The following KAT6A variants were observed in gnomAD, a reference collection of about 807,000 sequenced individuals.
KAT6A encodes lysine acetyltransferase 6A, also known as histone acetyltransferase KAT6A.
A neutral mutation model predicts 198.4 loss-of-function variants in KAT6A; 9 were observed. The observed-to-expected ratio is 0.05, with a 90% CI of 0.03 to 0.08. The LOEUF (loss-of-function observed/expected upper bound fraction) is 0.08, where lower values mean the gene tolerates loss of function less well. Among genes scored for constraint, KAT6A ranks in the 10% least tolerant of loss-of-function variants. The pLI is 1.00. For missense variants in KAT6A, 2,077 were observed against 2,509.9 expected (o/e 0.83, Z 3.69); for synonymous variants, 890 against 883.0 (o/e 1.01, Z -0.14).
intron 2 of KAT6A, among the ~76,000 whole-genome samples, chr8:42,038,201 C>T (rs1323737765): frequency 6.6e-6 from 1 of 152,146 alleles, no homozygotes; most frequent in Non-Finnish European, 1.5e-5. Flanking sequence ...TTTAAATGGA[C>T]TTTTTTTCCC....
At chr8:42,039,344 T>C (rs1232515711) in intron 2 of KAT6A, among the ~76,000 whole-genome samples, 1 of 152,120 alleles carries the variant, frequency 6.6e-6, no homozygotes, top group Non-Finnish European at 1.5e-5. Context: ...CAGAAAAAAA[T>C]AAATTTTTAA....
intron 9 of KAT6A, among the ~76,000 whole-genome samples, chr8:41,955,030 AAAAT>A: frequency 6.6e-6 from 1 of 152,212 alleles, no homozygotes; most frequent in Middle Eastern, 3.4e-3. Flanking sequence ...TCTTAAAAAA[AAAAT>A]AAAAAAGCAT....
chr8:42,023,398 T>C (rs558246247), intron 2 of KAT6A, among the ~76,000 whole-genome samples: 1 of 152,336 alleles, frequency 6.6e-6, no homozygotes, highest in Non-Finnish European at 1.5e-5. Flanking sequence ...ACTTTTTACA[T>C]TATAAACTTT....
chr8:41,965,829 C>G lies in KAT6A; in HGVS notation c.1482+8875G>C, dbSNP rs76259148. Among the ~76,000 whole-genome samples, 1,355 of 152,252 alleles carry G rather than the reference C, an allele frequency of 8.9e-3. 16 individuals are homozygous for G. The highest frequency in any genetic ancestry group is 0.031 in the African/African-American group (1,281 of 41,532). On this transcript the variant is annotated intron_variant, in intron 8 of 16. Transcript: ENST00000265713. ...ACGGGATTTTAAGGTACCCCCATGA[C>G]ATCTTTTTGCTGTTAAGTGATGTCT...
chr8:41,982,176 T>C (rs1367073450), intron 3 of KAT6A, among the ~76,000 whole-genome samples: 1 of 151,994 alleles, frequency 6.6e-6, no homozygotes, highest in African/African-American at 2.4e-5. Context: ...TCCCCACAAT[T>C]TGATTATTAA....
In KAT6A at chr8:41,941,242, C is replaced by A; in HGVS notation, c.2639G>T (p.Gly880Val). The A allele has an allele frequency of 6.2e-7, 1 of 1,614,182 alleles. No homozygotes were observed. The highest frequency in any genetic ancestry group is 2.2e-5 in the East Asian group (1 of 44,886). ...CAAGAGCAGTTTAGAATCTTTATCA[C>A]CAAAACGTTCCTGGGTTTTTCTGTT... ...RKNRKTQERF[G>V]DKDSKLLLEE... The change falls in exon 15 of 17, where the codon GGT (glycine) becomes GTT (valine). Residue 880 changes from glycine (G) to valine (V), a missense_variant. Gly to Val is a moderately radical substitution (Grantham distance 109). Transcript: ENST00000265713.
chr8:41,954,678 T>C (rs1419431029), intron 9 of KAT6A, among the ~76,000 whole-genome samples: 2 of 152,222 alleles, frequency 1.3e-5, no homozygotes, highest in Non-Finnish European at 2.9e-5. Flanking sequence ...GTACTATTAC[T>C]ATCTCTGCTT....
chr8:42,003,062 A>ATT (rs1040447752), intron 2 of KAT6A, among the ~76,000 whole-genome samples: 1 of 152,022 alleles, frequency 6.6e-6, no homozygotes, highest in African/African-American at 2.4e-5. Context: ...TGCACACTTC[A>ATT]TTTCTCCTGT....
chr8:42,017,229 T>C (rs1376416620), intron 2 of KAT6A, among the ~76,000 whole-genome samples: 3 of 152,186 alleles, frequency 2.0e-5, no homozygotes, highest in South Asian at 2.1e-4. Flanking sequence ...GTTGACAGCA[T>C]TGAGATAGTA....
intron 8 of KAT6A, among the ~76,000 whole-genome samples, chr8:41,971,373 C>T (rs1482561090): frequency 2.6e-5 from 4 of 151,934 alleles, no homozygotes; most frequent in Non-Finnish European, 5.9e-5. Context: ...AAGCTATTTT[C>T]GTGTGGATAT....
intron 2 of KAT6A, among the ~76,000 whole-genome samples, chr8:42,022,136 T>C (rs1389363966): frequency 6.6e-6 from 1 of 152,148 alleles, no homozygotes; most frequent in Admixed American, 6.5e-5. Context: ...GATCTAAATA[T>C]AATACCTAGC....
At chr8:42,021,038 T>C (rs889088365) in intron 2 of KAT6A, among the ~76,000 whole-genome samples, 2 of 152,118 alleles carry the variant, frequency 1.3e-5, no homozygotes, top group Non-Finnish European at 2.9e-5. Context: ...GCTGTCCTTG[T>C]TACTGTTCTT....
At chr8:41,977,637 C>T (rs960343090) in intron 6 of KAT6A, 1 of 237,400 alleles carries the variant, frequency 4.2e-6, no homozygotes, top group African/African-American at 2.3e-5. Context: ...AAACATATGT[C>T]AGTGCCTTCA....
At chr8:42,051,523 G>T (rs1268019608) in intron 1 of KAT6A, among the ~76,000 whole-genome samples, 1 of 145,382 alleles carries the variant, frequency 6.9e-6, no homozygotes, top group Admixed American at 6.8e-5. Context: ...CGGGCTCGCC[G>T]GCTCCGCCAG....
chr8:41,996,048 A>G (rs1825186678), intron 2 of KAT6A, among the ~76,000 whole-genome samples: 1 of 152,142 alleles, frequency 6.6e-6, no homozygotes, highest in Admixed American at 6.5e-5. Context: ...CTATTTTCTA[A>G]TATCTTCTGA....
Position 41,931,186 on chromosome 8 carries a change from TTGAG to T in KAT6A, c.*1015_*1018del, listed in dbSNP as rs1369127648. On this transcript the variant is annotated 3_prime_UTR_variant, in exon 17 of 17. Transcript: ENST00000265713. ...GAGGCAAATCACTGGGGACTGCTATTTGAGTTTTATCAGTCAAAGGCTCAAGCAT... is the reference window on the plus strand; with the variant it reads ...GAGGCAAATCACTGGGGACTGCTATTTTTTATCAGTCAAAGGCTCAAGCAT... 4.5e-6 allele frequency: 1 copy of T among 222,568 alleles called. No homozygotes were observed. The highest frequency in any genetic ancestry group is 2.2e-5 in the African/African-American group (1 of 44,684). The allele number at this position is 222,568 out of a possible 1,614,324, so 13.8% of individuals were successfully genotyped here.
intron 2 of KAT6A, among the ~76,000 whole-genome samples, chr8:42,036,830 A>T (rs892272678): frequency 6.6e-6 from 1 of 152,202 alleles, no homozygotes; most frequent in Non-Finnish European, 1.5e-5. Flanking sequence ...GAAAGGTGGA[A>T]GATTAGAGTA....
chr8:42,030,023 C>A (rs1314869848), intron 2 of KAT6A, among the ~76,000 whole-genome samples: 2 of 152,120 alleles, frequency 1.3e-5, no homozygotes, highest in African/African-American at 2.4e-5. Flanking sequence ...GATGCTGCAG[C>A]CCTCTGGATG....
intron 15 of KAT6A, among the ~76,000 whole-genome samples, chr8:41,938,511 G>A (rs1011392320): frequency 6.6e-6 from 1 of 152,062 alleles, no homozygotes; most frequent in African/African-American, 2.4e-5. Flanking sequence ...GATTAAAAAT[G>A]GCCCTGGTCC....
Sources: allele counts gnomAD v4.1 joint callset (sites outside exome capture counted in the v4.1 genomes callset), GRCh38; gene constraint gnomAD v4.1.1; transcripts MANE v1.5; gene names NCBI Gene and HGNC (gene_info 2026-07-23, HGNC 2026-07-21).